Variants in MTCL1 observed in about 807,000 individuals in gnomAD.
MTCL1 encodes the protein microtubule crosslinking factor 1, also known as microtubule cross-linking factor 1.
In MTCL1, 79 loss-of-function variants were observed where a neutral mutation model predicts 141.4. The ratio of observed to expected loss-of-function variants is 0.56; its 90% CI spans 0.47 to 0.67. MTCL1 has a LOEUF of 0.67. Among genes scored for constraint, MTCL1 ranks in the 30% least tolerant of loss-of-function variants. The pLI is 0.00. For missense variants in MTCL1, 2,177 were observed against 2,113.9 expected, an observed-to-expected ratio of 1.03 and a Z score of -0.59; for synonymous variants, 914 against 875.8, an observed-to-expected ratio of 1.04 and a Z score of -0.77.
At chr18:8,800,267 G>A (rs144722319) in intron 10 of MTCL1, among the ~76,000 whole-genome samples, 6 of 152,276 alleles carry the variant, frequency 3.9e-5, no homozygotes, top group East Asian at 1.9e-4. Context: ...TTCCCGAAAC[G>A]CCGAGCACCT....
At chr18:8,775,158 T>G (rs935571757) in intron 4 of MTCL1, among the ~76,000 whole-genome samples, 1 of 152,218 alleles carries the variant, frequency 6.6e-6, no homozygotes, top group Non-Finnish European at 1.5e-5. Context: ...GACAGCAGGC[T>G]CTGCCCTCAC....
intron 4 of MTCL1, among the ~76,000 whole-genome samples, chr18:8,754,414 G>T (rs1169802279): frequency 6.6e-6 from 1 of 152,172 alleles, no homozygotes; most frequent in Non-Finnish European, 1.5e-5. Flanking sequence ...AACCCCATGT[G>T]TATAAGTGTA....
At chr18:8,769,847 T>C (rs2096477504) in intron 4 of MTCL1, among the ~76,000 whole-genome samples, 1 of 152,250 alleles carries the variant, frequency 6.6e-6, no homozygotes, top group Admixed American at 6.5e-5. Flanking sequence ...CCTCTAATAA[T>C]AGTTTTCTGT....
intron 16 of MTCL1, chr18:8,831,321 A>G: frequency 8.0e-7 from 1 of 1,242,360 alleles, no homozygotes; most frequent in African/African-American, 1.5e-5. Context: ...TGCCTTCTGT[A>G]TACCCCAGCC....
chr18:8,746,849 C>T (rs532239032), intron 4 of MTCL1, among the ~76,000 whole-genome samples: 7 of 152,142 alleles, frequency 4.6e-5, no homozygotes, highest in African/African-American at 1.4e-4. Context: ...CCGAGGACCG[C>T]GTGCACCTAC....
chr18:8,796,377 T>A (rs2075919273), exon 9 of MTCL1: 2 of 1,614,178 alleles, frequency 1.2e-6, no homozygotes, highest in South Asian at 2.2e-5. Context: ...CAGAACATTT[T>A]CCTCTTCTAC....
rs151045980 is a variant in MTCL1, at chr18:8,825,105, G to A, written c.3595G>A (p.Val1199Met). The change falls in exon 15 of 17, where the codon GTG becomes ATG. Residue 1199 changes from valine (V) to methionine (M), a missense_variant. Coordinates refer to ENST00000359865, the Ensembl canonical transcript of MTCL1. ...GCGCGTGTTACACAGCCCGCCTGCCGTGCGCAGGGTCGACAGCATCACGGC... is the reference window on the plus strand; with the variant it reads ...GCGCGTGTTACACAGCCCGCCTGCCATGCGCAGGGTCGACAGCATCACGGC... 132 of 1,602,600 alleles carry A rather than the reference G, an allele frequency of 8.2e-5. No individual in the cohort carries two copies. In the East Asian group the frequency reaches 1.5e-3, roughly 18 times the overall value.
At chr18:8,751,499 A>G (rs1449152271) in intron 4 of MTCL1, among the ~76,000 whole-genome samples, 1 of 152,206 alleles carries the variant, frequency 6.6e-6, no homozygotes, top group Non-Finnish European at 1.5e-5. Context: ...AAGATAACTG[A>G]CATTTTGTGC....
chr18:8,757,344 C>T (rs1270080341), intron 4 of MTCL1, among the ~76,000 whole-genome samples: 5 of 152,156 alleles, frequency 3.3e-5, no homozygotes, highest in Admixed American at 1.3e-4. Flanking sequence ...AACCTCTTTT[C>T]CTGAGGTTGC....
chr18:8,738,184 C>T (rs1404269473), intron 4 of MTCL1, among the ~76,000 whole-genome samples: 1 of 152,072 alleles, frequency 6.6e-6, no homozygotes, highest in Non-Finnish European at 1.5e-5. Flanking sequence ...CCATTCCCAC[C>T]TGGGATTTGA....
At chr18:8,785,818 T>C (rs2096551276) in intron 6 of MTCL1, 118 bp from the exon 6 acceptor site, 1 of 1,236,018 alleles carries the variant, frequency 8.1e-7, no homozygotes, top group East Asian at 2.5e-5. Flanking sequence ...GTCTCCCTTG[T>C]CCATTTTTGT....
chr18:8,738,202 G>C (rs544255034), intron 4 of MTCL1, among the ~76,000 whole-genome samples: 1 of 152,194 alleles, frequency 6.6e-6, no homozygotes, highest in Non-Finnish European at 1.5e-5. Flanking sequence ...TGAGGTTATT[G>C]GTGCAGTTTT....
At chr18:8,814,154 G>C (rs2076577029) in intron 12 of MTCL1, among the ~76,000 whole-genome samples, 1 of 152,176 alleles carries the variant, frequency 6.6e-6, no homozygotes, top group Admixed American at 6.5e-5. Flanking sequence ...TGGTGCCTGT[G>C]TTACGCAGGT....
chr18:8,826,341 C>A, intron 15 of MTCL1, 109 bp downstream of exon 14: 1 of 1,103,408 alleles, frequency 9.1e-7, no homozygotes, highest in South Asian at 1.7e-5. Flanking sequence ...AGGAATCGTC[C>A]ATGATTGGTT....
intron 11 of MTCL1, among the ~76,000 whole-genome samples, chr18:8,808,724 T>C (rs2076383479): frequency 6.6e-6 from 1 of 152,224 alleles, no homozygotes; most frequent in African/African-American, 2.4e-5. Flanking sequence ...ACTTCCCAAG[T>C]CCACGATTCC....
intron 4 of MTCL1, among the ~76,000 whole-genome samples, chr18:8,742,234 A>G (rs1011773551): frequency 6.6e-6 from 1 of 152,178 alleles, no homozygotes; most frequent in Admixed American, 6.5e-5. Flanking sequence ...GATGCGTGAG[A>G]TACCTGTCTC....
intron 15 of MTCL1, among the ~76,000 whole-genome samples, chr18:8,826,968 C>T (rs2077047168): frequency 6.6e-6 from 1 of 152,238 alleles, no homozygotes; most frequent in Non-Finnish European, 1.5e-5. Context: ...TCCACTTCAA[C>T]AATGAGCAAA....
intron 10 of MTCL1, among the ~76,000 whole-genome samples, chr18:8,799,284 A>G (rs1012700325): frequency 6.6e-6 from 1 of 152,218 alleles, no homozygotes; most frequent in East Asian, 1.9e-4. Flanking sequence ...TCAGATCCAG[A>G]TGAGGACAGG....
At chr18:8,817,607 A>G (rs539618810) in intron 12 of MTCL1, among the ~76,000 whole-genome samples, 51 of 152,288 alleles carry the variant, frequency 3.3e-4, no homozygotes, top group East Asian at 2.1e-3. Flanking sequence ...GAATGCTCCA[A>G]TTAGGACACA....
Sources: gnomAD v4.1 joint callset for allele counts (sites outside exome capture counted in the v4.1 genomes callset) on GRCh38, gnomAD v4.1.1 for gene constraint, MANE v1.5 for transcripts, NCBI Gene and HGNC (gene_info 2026-07-23, HGNC 2026-07-21) for gene names.